ATP8B1: variants seen among roughly 807,000 people sequenced by gnomAD.
ATP8B1 encodes ATPase phospholipid transporting 8B1, also known as phospholipid-transporting ATPase IC.
In ATP8B1, 80 loss-of-function variants were observed where a neutral mutation model predicts 149.9. That is an observed-to-expected ratio of 0.53 (90% CI 0.45 to 0.64). The LOEUF (loss-of-function observed/expected upper bound fraction) is 0.64, where lower values mean the gene tolerates loss of function less well. Among genes scored for constraint, ATP8B1 ranks in the 30% least tolerant of loss-of-function variants. The pLI is 0.00. For synonymous variants in ATP8B1, 536 were observed against 562.8 expected, an observed-to-expected ratio of 0.95 and a Z score of 0.67; for missense variants, 1,247 against 1,552.6, an observed-to-expected ratio of 0.80 and a Z score of 3.31.
At chr18:57,701,613 G>A (rs1913126817) in intron 4 of ATP8B1, among the ~76,000 whole-genome samples, 2 of 152,104 alleles carry the variant, frequency 1.3e-5, no homozygotes, top group African/African-American at 4.8e-5. Flanking sequence ...AAAAAGAGTT[G>A]CTCTAAATCT....
At chr18:57,707,743 G>T (rs1400898312) in intron 2 of ATP8B1, among the ~76,000 whole-genome samples, 1 of 151,470 alleles carries the variant, frequency 6.6e-6, no homozygotes, top group Non-Finnish European at 1.5e-5. Context: ...TTCTGACCTG[G>T]TGATCCACCA....
chr18:57,697,240 G>A (rs1461054825), intron 8 of ATP8B1, among the ~76,000 whole-genome samples: 1 of 152,108 alleles, frequency 6.6e-6, no homozygotes, highest in African/African-American at 2.4e-5. Context: ...TCCAGCCTGG[G>A]CGACAGAGTG....
chr18:57,777,478 T>A (rs994890730), intron 1 of ATP8B1, among the ~76,000 whole-genome samples: 2 of 152,228 alleles, frequency 1.3e-5, no homozygotes, highest in Non-Finnish European at 2.9e-5. Flanking sequence ...TCTAAAAAGA[T>A]AACCAATAAA....
At chr18:57,774,721 C>T (rs958346545) in intron 1 of ATP8B1, among the ~76,000 whole-genome samples, 10 of 152,176 alleles carry the variant, frequency 6.6e-5, no homozygotes, top group African/African-American at 1.4e-4. Context: ...GTACAATGTA[C>T]GGTAACTATC....
chr18:57,719,191 C>T (rs953834399), intron 2 of ATP8B1, among the ~76,000 whole-genome samples: 1 of 152,188 alleles, frequency 6.6e-6, no homozygotes, highest in African/African-American at 2.4e-5. Flanking sequence ...AAATCAGTAG[C>T]CTTTCTGTAT....
chr18:57,664,168 G>A (rs577855162), intron 20 of ATP8B1, among the ~76,000 whole-genome samples: 2 of 150,400 alleles, frequency 1.3e-5, no homozygotes, highest in Non-Finnish European at 2.9e-5. Context: ...TTCAAAGACA[G>A]TCAAAGGAAG....
intron 15 of ATP8B1, among the ~76,000 whole-genome samples, chr18:57,682,941 C>T (rs185120395): frequency 1.3e-5 from 2 of 152,124 alleles, no homozygotes; most frequent in Admixed American, 6.6e-5. Context: ...TGGGCTCAAG[C>T]GATCCCCACC....
chr18:57,693,278 C>G (rs930649184), intron 11 of ATP8B1, among the ~76,000 whole-genome samples: 1 of 152,168 alleles, frequency 6.6e-6, no homozygotes, highest in Non-Finnish European at 1.5e-5. Flanking sequence ...GGGGTCACCA[C>G]GTGGGCAGAA....
intron 2 of ATP8B1, among the ~76,000 whole-genome samples, chr18:57,718,644 TCAA>T (rs1205178250): frequency 6.6e-6 from 1 of 152,178 alleles, no homozygotes; most frequent in Non-Finnish European, 1.5e-5. Flanking sequence ...AAAATTGAAT[TCAA>T]CAACACATTA....
At chr18:57,760,198 G>C (rs1251205705) in intron 1 of ATP8B1, among the ~76,000 whole-genome samples, 2 of 152,158 alleles carry the variant, frequency 1.3e-5, no homozygotes, top group Admixed American at 1.3e-4. Context: ...TTTAATTCCC[G>C]GTAGAAATGT....
chr18:57,677,713 C>T (rs1350806759), intron 15 of ATP8B1, among the ~76,000 whole-genome samples: 1 of 152,194 alleles, frequency 6.6e-6, no homozygotes, highest in African/African-American at 2.4e-5. Context: ...TAAATCCGGC[C>T]ATCTAGCAAT....
chr18:57,780,184 A>G (rs984784854), intron 1 of ATP8B1, among the ~76,000 whole-genome samples: 12 of 152,222 alleles, frequency 7.9e-5, no homozygotes, highest in South Asian at 2.1e-4. Flanking sequence ...TGAAGTTGGA[A>G]AAAGGTAAAG....
At position 57,694,605 on chromosome 18, in the gene ATP8B1, A is replaced by G. The variant is rs1912709017; in HGVS notation, c.1006T>C (p.Leu336=). Residue 336 remains leucine (L), a synonymous_variant, in exon 11 of 28, where the codon TTG becomes CTG. Coordinates refer to ENST00000648908, the MANE Select transcript of ATP8B1 (RefSeq NM_001374385.1). ...ACCGTGTAAACCATGTAGTTCATCAAGTAATCAATTTTAGTTCTTTTAAAT... is the reference window on the plus strand; with the variant it reads ...ACCGTGTAAACCATGTAGTTCATCAGGTAATCAATTTTAGTTCTTTTAAAT... ...TRFKRTKIDY[L]MNYMVYTIFV... 1 of 1,584,700 alleles carries G rather than the reference A, an allele frequency of 6.3e-7. No homozygotes were observed. The highest frequency in any genetic ancestry group is 8.7e-7 in the Non-Finnish European group (1 of 1,153,540).
chr18:57,697,891 T>C (rs1446086628), intron 6 of ATP8B1, 24 bp from the exon 7 acceptor site: 1 of 1,571,656 alleles, frequency 6.4e-7, no homozygotes, highest in Non-Finnish European at 8.8e-7. Context: ...ATAATGAGGA[T>C]TTATTGACAT....
chr18:57,771,084 A>G (rs1342781583), intron 1 of ATP8B1, among the ~76,000 whole-genome samples: 2 of 152,134 alleles, frequency 1.3e-5, no homozygotes, highest in African/African-American at 4.8e-5. Context: ...GCTGGTTTTG[A>G]ACTCCTTTTC....
intron 15 of ATP8B1, among the ~76,000 whole-genome samples, chr18:57,683,433 A>G (rs2122814430): frequency 6.6e-6 from 1 of 152,330 alleles, no homozygotes; most frequent in East Asian, 1.9e-4. Flanking sequence ...ACTTGCTGTG[A>G]CAAAGCTGGC....
At chr18:57,671,011 A>G (rs1271352061) in intron 17 of ATP8B1, among the ~76,000 whole-genome samples, 1 of 152,244 alleles carries the variant, frequency 6.6e-6, no homozygotes, top group African/African-American at 2.4e-5. Flanking sequence ...ATACTCAATC[A>G]GTTGAACCGC....
intron 1 of ATP8B1, among the ~76,000 whole-genome samples, chr18:57,792,237 A>G (rs2080470266): frequency 6.6e-6 from 1 of 152,170 alleles, no homozygotes; most frequent in Non-Finnish European, 1.5e-5. Context: ...ACCAGTAGCT[A>G]GTGTGTTTGG....
chr18:57,736,455 T>G (rs1257033713), intron 1 of ATP8B1, among the ~76,000 whole-genome samples: 2 of 3,694 alleles, frequency 5.4e-4, no homozygotes, highest in Admixed American at 7.4e-3. Flanking sequence ...TTTTACTAGT[T>G]TTTTTTTTTT....
Sources: gnomAD v4.1 joint callset for allele counts (sites outside exome capture counted in the v4.1 genomes callset) on GRCh38, gnomAD v4.1.1 for gene constraint, MANE v1.5 for transcripts, NCBI Gene and HGNC (gene_info 2026-07-23, HGNC 2026-07-21) for gene names.